Variants in CCM2 observed in about 807,000 individuals in gnomAD.
CCM2 encodes cerebral cavernous malformations 2 protein.
CCM2 carries 25 observed loss-of-function variants against 44.9 expected under a neutral mutation model. The observed-to-expected ratio is 0.56, with a 90% CI of 0.41 to 0.78. CCM2 has a LOEUF of 0.78. Ranked by LOEUF, CCM2 falls within the 30% of genes least tolerant of loss-of-function variation. The pLI is 0.00. For missense variants in CCM2, 481 were observed against 580.6 expected (o/e 0.83, Z 1.76); for synonymous variants, 219 against 241.1 (o/e 0.91, Z 0.85).
chr7:45,000,380 G>C lies in CCM2; in HGVS notation c.30+17G>C. On this transcript the variant is annotated intron_variant, in intron 1 of 9. Transcript: ENST00000258781. ...GGCAAGAAGGTGAGCGTGCGCGGGG[G>C]CGTCCTACTGCTGTGGTCGGCGGGC... 7.8e-7 allele frequency: 1 copy of C among 1,286,624 alleles called. No homozygotes were observed. Among genetic ancestry groups the C allele is most frequent in the Non-Finnish European group, 9.9e-7 (1 of 1,010,070 alleles). 79.7% of individuals were successfully genotyped at this position (1,286,624 alleles called of 1,614,324 possible). A position where few individuals can be genotyped will look rare whatever the true frequency, so the allele number is the denominator to read the frequency against.
chr7:45,073,069 C>T (rs1029822194), intron 7 of CCM2: 5 of 594,098 alleles, frequency 8.4e-6, no homozygotes, highest in Admixed American at 5.7e-5. Flanking sequence ...GTTCCCCTGC[C>T]CGAGCCTGCC....
chr7:45,023,287 C>T (rs546252421), intron 1 of CCM2, among the ~76,000 whole-genome samples: 70 of 152,212 alleles, frequency 4.6e-4, no homozygotes, highest in African/African-American at 1.6e-3. Flanking sequence ...CAGTGGCTCA[C>T]ACCTGTAATC....
chr7:45,075,874 C>T lies in CCM2; in HGVS notation c.1152C>T (p.Ser384=), dbSNP rs1237605085. 2.5e-6 allele frequency: 4 copies of T among 1,613,612 alleles called. No individual in the cohort carries two copies. Among genetic ancestry groups the T allele is most frequent in the Middle Eastern group, 1.6e-4 (1 of 6,062 alleles). The change falls in exon 10 of 10, where the codon AGC becomes AGT. Residue 384 remains serine (S), a synonymous_variant. Transcript: ENST00000258781. ...ATGGCCGCGGCATCATCACTGACAG[C>T]TTTGGCAGGCACCGGCGGGCCCTGA... ...VKDGRGIITD[S]FGRHRRALST...
Position 45,044,580 on chromosome 7 carries a change from A to G in CCM2, c.204+6154A>G, listed in dbSNP as rs117810982. Among the ~76,000 whole-genome samples the G allele has an allele frequency of 8.0e-3, 1,222 of 152,238 alleles. 6 individuals carry two copies. Among genetic ancestry groups the G allele is most frequent in the Admixed American group, 0.013 (202 of 15,296 alleles). ...TCTTGACTTCCTTACAGCATAAACT[A>G]CACTTCTGGTCCTCAAGATTTAGCC... is the stretch of plus-strand genomic sequence containing the variant. On this transcript the variant is annotated intron_variant, in intron 2 of 9. Transcript: ENST00000258781.
intron 2 of CCM2, among the ~76,000 whole-genome samples, chr7:45,058,945 A>T (rs564047946): frequency 6.9e-6 from 1 of 144,814 alleles, no homozygotes; most frequent in Admixed American, 7.0e-5. Flanking sequence ...GGGTTTTGCC[A>T]TGTTGGCCAG....
At position 45,075,950 on chromosome 7, in the gene CCM2, G is replaced by C. The variant is rs779863927; in HGVS notation, c.1228G>C (p.Asp410His). 1.2e-6 allele frequency: 2 copies of C among 1,613,228 alleles called. No individual in the cohort carries two copies. Among genetic ancestry groups the C allele is most frequent in the Non-Finnish European group, 1.7e-6 (2 of 1,180,034 alleles). Residue 410 changes from aspartate (D) to histidine (H), a missense_variant, in exon 10 of 10, where the codon GAT (aspartate) becomes CAT (histidine). Coordinates refer to ENST00000258781, the MANE Select transcript of CCM2 (RefSeq NM_031443.4). Reference protein sequence around the residue: ...TNGNRATGSSDDRSAPSEGDE... With the variant: ...TNGNRATGSSHDRSAPSEGDE... ...TGGGAACAGGGCCACGGGCAGCTCT[G>C]ATGACCGGTCGGCACCCTCAGAGGG...
chr7:45,005,167 G>A (rs1287941941), intron 1 of CCM2, among the ~76,000 whole-genome samples: 1 of 152,178 alleles, frequency 6.6e-6, no homozygotes. Context: ...TCAGGGTCAG[G>A]AGGCTGGAGA....
intron 2 of CCM2, among the ~76,000 whole-genome samples, chr7:45,059,300 T>C (rs1430290572): frequency 1.1e-4 from 16 of 151,738 alleles, no homozygotes; most frequent in Admixed American, 1.1e-3. Flanking sequence ...TTAAAAGTTT[T>C]GGCCAGGCAT....
intron 2 of CCM2, among the ~76,000 whole-genome samples, chr7:45,054,875 G>A (rs1164079340): frequency 1.3e-5 from 2 of 152,214 alleles, no homozygotes; most frequent in African/African-American, 4.8e-5. Flanking sequence ...AGGGCAGATG[G>A]GGAGCCCATT....
At chr7:45,021,705 AGGAGGAGAATGG>A (rs1796488142) in intron 1 of CCM2, among the ~76,000 whole-genome samples, 1 of 151,682 alleles carries the variant, frequency 6.6e-6, no homozygotes, top group Admixed American at 6.6e-5. Flanking sequence ...GGAGGAGCTG[AGGAGGAGAATGG>A]GGCAGGGGAA....
chr7:45,030,899 T>C (rs1796933946), intron 1 of CCM2, among the ~76,000 whole-genome samples: 1 of 151,892 alleles, frequency 6.6e-6, no homozygotes, highest in Admixed American at 6.6e-5. Flanking sequence ...AATTTTTGTA[T>C]TTTTAGTAGA....
chr7:45,054,636 G>T (rs1269974881), intron 2 of CCM2, among the ~76,000 whole-genome samples: 3 of 152,216 alleles, frequency 2.0e-5, no homozygotes, highest in Non-Finnish European at 4.4e-5. Context: ...GTCAGGCAAG[G>T]GTGTGTGAGA....
At chr7:45,043,387 A>G (rs1417193368) in intron 2 of CCM2, among the ~76,000 whole-genome samples, 1 of 152,224 alleles carries the variant, frequency 6.6e-6, no homozygotes, top group Non-Finnish European at 1.5e-5. Flanking sequence ...TCAGGAAACT[A>G]TTAGGTAACA....
intron 6 of CCM2, chr7:45,071,809 T>C (rs1168818387): frequency 2.2e-6 from 1 of 456,748 alleles, no homozygotes; most frequent in Admixed American, 2.3e-5. Flanking sequence ...TCCTCTGCAT[T>C]TCAGGACTCT....
chr7:45,074,937 C>T (rs1799270724), intron 9 of CCM2, among the ~76,000 whole-genome samples: 1 of 152,202 alleles, frequency 6.6e-6, no homozygotes, highest in Non-Finnish European at 1.5e-5. Flanking sequence ...GCTGTGGTTT[C>T]CCTCTGCCGA....
intron 1 of CCM2, among the ~76,000 whole-genome samples, chr7:45,011,176 T>C (rs1463748618): frequency 2.6e-5 from 4 of 151,638 alleles, no homozygotes; most frequent in Non-Finnish European, 4.4e-5. Flanking sequence ...GGACGATAGG[T>C]GTGTGCCACT....
intron 1 of CCM2, among the ~76,000 whole-genome samples, chr7:45,022,072 A>G (rs1178011064): frequency 6.6e-6 from 1 of 152,158 alleles, no homozygotes; most frequent in Non-Finnish European, 1.5e-5. Context: ...GCAGTGGAGC[A>G]CACCTAGGAC....
At chr7:45,028,002 G>A (rs576093275) in intron 1 of CCM2, among the ~76,000 whole-genome samples, 1 of 152,302 alleles carries the variant, frequency 6.6e-6, no homozygotes, top group African/African-American at 2.4e-5. Context: ...CAAGGGGCGT[G>A]TATGGAGAAG....
intron 2 of CCM2, among the ~76,000 whole-genome samples, chr7:45,056,317 A>G (rs1391512872): frequency 6.6e-6 from 1 of 152,210 alleles, no homozygotes; most frequent in East Asian, 1.9e-4. Flanking sequence ...CAGGGTTTCA[A>G]TATCTCCATA....
Sources: gnomAD v4.1 joint callset for allele counts (sites outside exome capture counted in the v4.1 genomes callset) on GRCh38, gnomAD v4.1.1 for gene constraint, MANE v1.5 for transcripts, NCBI Gene and HGNC (gene_info 2026-07-23, HGNC 2026-07-21) for gene names.